SH2D1A: variants seen among roughly 807,000 people sequenced by gnomAD.
SH2D1A encodes the protein SH2 domain containing 1A.
A neutral mutation model predicts 10.1 loss-of-function variants in SH2D1A; 6 were observed. The ratio of observed to expected loss-of-function variants is 0.60; its 90% CI spans 0.33 to 1.18. The LOEUF (loss-of-function observed/expected upper bound fraction) is 1.18, where lower values mean the gene tolerates loss of function less well. Ranked by LOEUF, SH2D1A falls within the 50% of genes most tolerant of loss-of-function variation. The pLI is 0.04. For synonymous variants in SH2D1A, 42 were observed against 36.9 expected, an observed-to-expected ratio of 1.14 and a Z score of -0.51; for missense variants, 51 against 97.6, an observed-to-expected ratio of 0.52 and a Z score of 2.01.
chrX:124,354,798 CTT>C (rs772359476), intron 1 of SH2D1A, among the ~76,000 whole-genome samples: 4 of 112,137 alleles, frequency 3.6e-5, no homozygotes, highest in East Asian at 5.5e-4. Flanking sequence ...GTAAATAAAA[CTT>C]GATATGGAAG....
chrX:124,368,386 C>A (rs745507314), intron 2 of SH2D1A, among the ~76,000 whole-genome samples: 1 of 111,588 alleles, frequency 9.0e-6, no homozygotes, highest in Admixed American at 9.5e-5. Context: ...GGTGGTCCGC[C>A]GGTCTCAGCC....
At chrX:124,370,085 T>C in intron 2 of SH2D1A, 91 bp from the exon 3 acceptor site, 3 of 648,719 alleles carry the variant, frequency 4.6e-6, no homozygotes, top group Non-Finnish European at 7.8e-6. Context: ...TACACAAATG[T>C]TACTTCTCTT....
chrX:124,358,912 G>A (rs1222675608), intron 1 of SH2D1A, among the ~76,000 whole-genome samples: 1 of 111,701 alleles, frequency 9.0e-6, no homozygotes, highest in Non-Finnish European at 1.9e-5. Flanking sequence ...GTTGTCCTGG[G>A]AATGCAATTT....
chrX:124,350,194 A>T, intron 1 of SH2D1A, among the ~76,000 whole-genome samples: 1 of 63,490 alleles, frequency 1.6e-5, no homozygotes, highest in South Asian at 7.0e-4. Context: ...ATAATATATA[A>T]ATATATAATA....
intron 1 of SH2D1A, 129 bp from the exon 2 acceptor site, chrX:124,365,632 T>A: frequency 2.0e-6 from 1 of 510,312 alleles, no homozygotes; most frequent in Non-Finnish European, 3.5e-6. Flanking sequence ...CTTTACTTCC[T>A]ATGAATGCAA....
chrX:124,368,516 T>C (rs1351207266), intron 2 of SH2D1A, among the ~76,000 whole-genome samples: 1 of 112,156 alleles, frequency 8.9e-6, no homozygotes, highest in East Asian at 2.8e-4. Context: ...TTCCACACTT[T>C]AGGTGTGTAT....
chrX:124,372,096 T>G lies in SH2D1A; in HGVS notation c.*705T>G, dbSNP rs1054540972. 4 of 160,324 alleles carry G rather than the reference T, an allele frequency of 2.5e-5. No homozygotes were observed. The highest frequency in any genetic ancestry group is 1.2e-4 in the African/African-American group (4 of 32,974). The allele number at this position is 160,324 out of a possible 1,213,427, so 13.2% of individuals were successfully genotyped here. On this transcript the variant is annotated 3_prime_UTR_variant, in exon 4 of 4. Transcript: ENST00000371139. ...CAAATCCAATGAAATGAGTTTTTCT[T>G]TTCATTTACCTCTGCCCCAGTTGTT...
chrX:124,360,183 G>A (rs779407076), intron 1 of SH2D1A, among the ~76,000 whole-genome samples: 1 of 111,204 alleles, frequency 9.0e-6, no homozygotes, highest in Admixed American at 9.6e-5. Context: ...TGGGATTACA[G>A]GCGTGAGCCT....
chrX:124,356,398 C>T (rs1156569845), intron 1 of SH2D1A, among the ~76,000 whole-genome samples: 2 of 111,608 alleles, frequency 1.8e-5, no homozygotes, highest in East Asian at 2.8e-4. Flanking sequence ...TCTGGAAAAC[C>T]TAAGACTCTA....
intron 1 of SH2D1A, among the ~76,000 whole-genome samples, chrX:124,362,357 G>A (rs1358192524): frequency 2.7e-5 from 3 of 112,413 alleles, no homozygotes; most frequent in Non-Finnish European, 5.6e-5. Flanking sequence ...TGAACCTGAA[G>A]GGCAGAATAT....
At chrX:124,351,579 T>C (rs1461414775) in intron 1 of SH2D1A, among the ~76,000 whole-genome samples, 1 of 110,634 alleles carries the variant, frequency 9.0e-6, no homozygotes, top group Non-Finnish European at 1.9e-5. Context: ...GAAGTGGGTA[T>C]TGTAGTTAAG....
rs138693709 is a variant in SH2D1A, at chrX:124,362,101, T to C, written c.138-3660T>C. On this transcript the variant is annotated intron_variant, in intron 1 of 3. Transcript: ENST00000371139. ...AGAACAGGACAGTATGGTATAGTTA[T>C]TTGGCTGCAAACATGGTTTATCTTT... Among the ~76,000 whole-genome samples, 562 of 112,050 alleles carry C rather than the reference T, an allele frequency of 5.0e-3. 2 individuals carry two copies. Among genetic ancestry groups the C allele is most frequent in the African/African-American group, 0.017 (525 of 30,836 alleles).
intron 2 of SH2D1A, among the ~76,000 whole-genome samples, chrX:124,369,818 T>TTTAACTGCA (rs2060065100): frequency 9.0e-6 from 1 of 111,529 alleles, no homozygotes. Context: ...TTTTTTCCTG[T>TTTAACTGCA]TTAACTGCAT....
At position 124,370,089 on chromosome X, in the gene SH2D1A, T is replaced by A. The variant is rs1326354627; in HGVS notation, c.202-87T>A. The stretch of plus-strand genomic sequence containing the variant: ...TTTCAACAAGTTACACAAATGTTAC[T>A]TCTCTTAGCATCCCTAGCACATTTT... On this transcript the variant is annotated intron_variant, in intron 2 of 3. Transcript: ENST00000371139. The A allele has an allele frequency of 6.0e-6, 4 of 670,775 alleles. No individual in the cohort carries two copies. In the East Asian group the frequency reaches 1.3e-4, roughly 22 times the overall value. The allele number at this position is 670,775 out of a possible 1,213,427, so 55.3% of individuals were successfully genotyped here.
Position 124,349,774 on chromosome X carries a change from A to G in SH2D1A, c.137+2995A>G, listed in dbSNP as rs1354441755. Among the ~76,000 whole-genome samples, 3 of 110,400 alleles carry G rather than the reference A, an allele frequency of 2.7e-5. No homozygotes were observed. The East Asian group carries it at 8.4e-4, about 31-fold the overall frequency. On this transcript the variant is annotated intron_variant, in intron 1 of 3. Coordinates refer to ENST00000371139, the MANE Select transcript of SH2D1A (RefSeq NM_002351.5). ...AGAAAATCGAAAATTGAACTGCTTC[A>G]TAAAGCACTAAAGGAGTTTTCCATT...
chrX:124,351,006 G>GTATATTTTTATATATTATTATAAATATA (rs2060012993), intron 1 of SH2D1A, among the ~76,000 whole-genome samples: 2 of 79,844 alleles, frequency 2.5e-5, no homozygotes, highest in Non-Finnish European at 4.5e-5. Context: ...TTATAAATAT[G>GTATATTTTTATATATTATTATAAATATA]TATATTTTTA....
intron 1 of SH2D1A, among the ~76,000 whole-genome samples, chrX:124,356,743 G>A (rs12391706): frequency 0.32 from 35,837 of 111,605 alleles, 4,402 homozygotes; most frequent in Middle Eastern, 0.49. Context: ...ACAGGCGTGA[G>A]CCATCGTGCC....
At chrX:124,353,686 GT>G (rs770386518) in intron 1 of SH2D1A, among the ~76,000 whole-genome samples, 2 of 111,822 alleles carry the variant, frequency 1.8e-5, no homozygotes, top group East Asian at 5.6e-4. Context: ...TCAAAAAATA[GT>G]TTATTTCCAT....
intron 2 of SH2D1A, among the ~76,000 whole-genome samples, chrX:124,369,295 G>A (rs768619456): frequency 1.4e-4 from 16 of 111,043 alleles, no homozygotes; most frequent in Non-Finnish European, 2.6e-4. Flanking sequence ...TTTATTTTAC[G>A]TAAAATGACA....
Sources: allele counts gnomAD v4.1 joint callset (sites outside exome capture counted in the v4.1 genomes callset), GRCh38; gene constraint gnomAD v4.1.1; transcripts MANE v1.5; gene names NCBI Gene and HGNC (gene_info 2026-07-23, HGNC 2026-07-21).